NPHP4: variants seen among roughly 807,000 people sequenced by gnomAD.
The protein encoded by NPHP4 is nephrocystin-4.
In NPHP4, 151 loss-of-function variants were observed where a neutral mutation model predicts 155.8. That is an observed-to-expected ratio of 0.97 (90% CI 0.85 to 1.11). The LOEUF (loss-of-function observed/expected upper bound fraction) is 1.11, where lower values mean the gene tolerates loss of function less well. Ranked by LOEUF, NPHP4 falls within the 50% of genes least tolerant of loss-of-function variation. NPHP4 has a pLI of 0.00. For synonymous variants in NPHP4, 845 were observed against 816.8 expected (o/e 1.03, Z -0.59); for missense variants, 1,956 against 1,925.7 (o/e 1.02, Z -0.29).
chr1:5,867,424 C>A lies in NPHP4; in HGVS notation c.3473-309G>T. On this transcript the variant is annotated intron_variant, in intron 24 of 29. Transcript: ENST00000378156. The surrounding 1 kb of genome is among the most constrained non-coding windows in gnomAD (Gnocchi z 4.1). ...GAAGCCTGCACTCTGCTGTAAGGGG[C>A]ACCTACCAGAAACACGCGGGCCGTC... is the stretch of plus-strand genomic sequence containing the variant. 3.6e-6 allele frequency: 2 copies of A among 549,632 alleles called. No individual in the cohort carries two copies. Among genetic ancestry groups the A allele is most frequent in the Non-Finnish European group, 6.5e-6 (2 of 307,774 alleles). 34.0% of individuals were successfully genotyped at this position (549,632 alleles called of 1,614,324 possible). A position where few individuals can be genotyped will look rare whatever the true frequency, so the allele number is the denominator to read the frequency against.
chr1:5,948,294 A>G (rs2101941539), intron 7 of NPHP4, 43 bp from the exon 8 acceptor site: 1 of 1,457,610 alleles, frequency 6.9e-7, no homozygotes. Flanking sequence ...ACAGACGGAA[A>G]GAGGGAGCTC....
intron 23 of NPHP4, among the ~76,000 whole-genome samples, chr1:5,872,062 C>CA (rs1181709597): frequency 6.6e-6 from 1 of 152,194 alleles, no homozygotes; most frequent in African/African-American, 2.4e-5. Context: ...GACTAGTGCA[C>CA]AGCCACCTGA....
At position 5,879,720 on chromosome 1, in the gene NPHP4, G is replaced by T. The variant is rs558093094; in HGVS notation, c.2611+394C>A. 61 of 436,690 alleles carry T rather than the reference G, an allele frequency of 1.4e-4. 1 individual carries two copies. The highest frequency in any genetic ancestry group is 1.0e-3 in the South Asian group (60 of 57,788). 27.1% of individuals were successfully genotyped at this position (436,690 alleles called of 1,614,324 possible). On this transcript the variant is annotated intron_variant, in intron 19 of 29. Transcript: ENST00000378156. The stretch of plus-strand genomic sequence containing the variant: ...CTAGCCAGGGCACCGAGCTGCATAT[G>T]GACAGCACAGTCCTGCCCTAGATGC...
chr1:5,907,687 G>A (rs1302002628), intron 12 of NPHP4, among the ~76,000 whole-genome samples: 1 of 121,052 alleles, frequency 8.3e-6, no homozygotes, highest in Non-Finnish European at 1.7e-5. Flanking sequence ...TAGAGTGCCC[G>A]TGCCAACGTG....
intron 5 of NPHP4, among the ~76,000 whole-genome samples, chr1:5,965,694 TA>T (rs1651361878): frequency 6.6e-6 from 1 of 152,104 alleles, no homozygotes; most frequent in East Asian, 1.9e-4. Context: ...CGGCCCATGC[TA>T]ACCACCGTTA....
At chr1:5,915,202 A>AGGCCTTGGGCCTTG (rs762674764) in intron 11 of NPHP4, among the ~76,000 whole-genome samples, 5 of 152,072 alleles carry the variant, frequency 3.3e-5, no homozygotes, top group Non-Finnish European at 5.9e-5. Context: ...GGGACGGGCC[A>AGGCCTTGGGCCTTG]GGCCTTGGGC....
intron 11 of NPHP4, among the ~76,000 whole-genome samples, chr1:5,917,021 G>A (rs899214683): frequency 8.5e-5 from 13 of 152,242 alleles, no homozygotes; most frequent in African/African-American, 2.7e-4. Context: ...GGCAGTGGCA[G>A]GGAAAGACCC....
chr1:5,959,055 G>A (rs376521078), intron 6 of NPHP4, among the ~76,000 whole-genome samples: 4 of 149,940 alleles, frequency 2.7e-5, no homozygotes, highest in South Asian at 2.2e-4. Flanking sequence ...GCGGGGGGGC[G>A]GCAGGTGTTG....
At chr1:5,931,526 G>T (rs1454209013) in intron 10 of NPHP4, among the ~76,000 whole-genome samples, 1 of 151,858 alleles carries the variant, frequency 6.6e-6, no homozygotes, top group Admixed American at 6.6e-5. Flanking sequence ...CTAAGGTCAG[G>T]AGTTCAAGAC....
chr1:5,966,519 T>A (rs1303919484), intron 5 of NPHP4, among the ~76,000 whole-genome samples: 1 of 152,138 alleles, frequency 6.6e-6, no homozygotes, highest in African/African-American at 2.4e-5. Flanking sequence ...AGTGCTGAGA[T>A]TACAAGCCTG....
rs112925244 is a variant in NPHP4 at position 5,921,616 on chromosome 1, G to C, written c.1441+6033C>G. 3.3e-3 allele frequency among the ~76,000 whole-genome samples: 507 copies of C among 152,266 alleles called. 5 individuals are homozygous for C. The highest frequency in any genetic ancestry group is 0.012 in the African/African-American group (489 of 41,554). ...TTGTTTATGGTTATTGGTTATTCTG[G>C]TTTCTTCTCTATAAATTCCCTCTTC... On this transcript the variant is annotated intron_variant, in intron 11 of 29. Coordinates refer to ENST00000378156, the MANE Select transcript of NPHP4 (RefSeq NM_015102.5).
intron 23 of NPHP4, among the ~76,000 whole-genome samples, chr1:5,869,705 T>A (rs1299171440): frequency 1.3e-5 from 2 of 152,176 alleles, no homozygotes; most frequent in East Asian, 1.9e-4. Flanking sequence ...TGTTTTGAAA[T>A]ATACACGTAC....
intron 23 of NPHP4, among the ~76,000 whole-genome samples, chr1:5,869,347 C>T (rs575054659): frequency 7.6e-4 from 115 of 151,140 alleles, no homozygotes; most frequent in South Asian, 3.8e-3. Flanking sequence ...CACACATGCA[C>T]GCACACACAC....
At position 5,874,859 on chromosome 1, in the gene NPHP4, C is replaced by A; in HGVS notation, c.3044+15G>T. Reference sequence around the variant, plus strand: ...GATCTGGGCTGGGGCAGGACGGGCACCACTGAGACCTCACCTGAGCTCGGG... The same window carrying A: ...GATCTGGGCTGGGGCAGGACGGGCAACACTGAGACCTCACCTGAGCTCGGG... On this transcript the variant is annotated intron_variant, in intron 21 of 29. Coordinates refer to ENST00000378156, the MANE Select transcript of NPHP4 (RefSeq NM_015102.5). 1 of 1,609,292 alleles carries A rather than the reference C, an allele frequency of 6.2e-7. No homozygotes were observed. Among genetic ancestry groups the A allele is most frequent in the Non-Finnish European group, 8.5e-7 (1 of 1,175,908 alleles).
intron 2 of NPHP4, among the ~76,000 whole-genome samples, chr1:5,982,056 C>T (rs957760081): frequency 9.2e-5 from 14 of 152,068 alleles, no homozygotes; most frequent in East Asian, 3.9e-4. Flanking sequence ...ACCTCTGTAG[C>T]GTACGTTATC....
At chr1:5,976,233 A>G (rs981762849) in intron 3 of NPHP4, among the ~76,000 whole-genome samples, 2 of 151,864 alleles carry the variant, frequency 1.3e-5, no homozygotes, top group Non-Finnish European at 2.9e-5. Flanking sequence ...TTCCATCTCC[A>G]TGCACCTCAG....
chr1:5,965,406 T>A (rs1193878781), intron 5 of NPHP4, among the ~76,000 whole-genome samples: 1 of 152,158 alleles, frequency 6.6e-6, no homozygotes, highest in South Asian at 2.1e-4. Context: ...ACTGTGGACG[T>A]GGAGCGAATG....
intron 16 of NPHP4, among the ~76,000 whole-genome samples, chr1:5,896,464 GT>G (rs1644400943): frequency 6.6e-6 from 1 of 152,200 alleles, no homozygotes. Context: ...GACACGCACT[GT>G]TGACATTAAG....
At chr1:5,930,005 CT>C (rs577263369) in intron 10 of NPHP4, among the ~76,000 whole-genome samples, 63 of 152,296 alleles carry the variant, frequency 4.1e-4, no homozygotes, top group African/African-American at 1.1e-3. Flanking sequence ...AGGTCATCTA[CT>C]TCATCTTGGC....
Sources: allele counts gnomAD v4.1 joint callset (sites outside exome capture counted in the v4.1 genomes callset), GRCh38; gene constraint gnomAD v4.1.1; non-coding constraint Gnocchi (gnomAD v3.1); transcripts MANE v1.5; gene names NCBI Gene and HGNC (gene_info 2026-07-23, HGNC 2026-07-21).